METTL15: variants seen among roughly 807,000 people sequenced by gnomAD.
METTL15 encodes methyltransferase 15, mitochondrial 12S rRNA N4-cytidine.
In METTL15, 34 loss-of-function variants were observed where a neutral mutation model predicts 38.3. The ratio of observed to expected loss-of-function variants is 0.89; its 90% CI spans 0.68 to 1.18. The LOEUF is 1.18. Among genes scored for constraint, METTL15 ranks in the 50% most tolerant of loss-of-function variants. The probability of loss-of-function intolerance (pLI) is 0.00; values close to 1 mark genes in which losing one functional copy is unlikely to be tolerated. For missense variants in METTL15, 438 were observed against 498.4 expected, an observed-to-expected ratio of 0.88 and a Z score of 1.15; for synonymous variants, 162 against 170.9, an observed-to-expected ratio of 0.95 and a Z score of 0.41.
intron 3 of METTL15, among the ~76,000 whole-genome samples, chr11:28,175,857 C>T (rs954588048): frequency 6.6e-6 from 1 of 151,956 alleles, no homozygotes; most frequent in Non-Finnish European, 1.5e-5. Context: ...AAGACAAATT[C>T]GTGCCCTCAA....
chr11:28,419,144 T>C (rs1473544397), intron 5 of METTL15, among the ~76,000 whole-genome samples: 1 of 152,176 alleles, frequency 6.6e-6, no homozygotes, highest in East Asian at 1.9e-4. Context: ...TGAGTGAACA[T>C]AGGCAATAGC....
At chr11:28,119,430 C>G (rs927013520) in intron 3 of METTL15, among the ~76,000 whole-genome samples, 8 of 152,136 alleles carry the variant, frequency 5.3e-5, no homozygotes. Context: ...GCTTCTCTGG[C>G]TCAAGACTTT....
intron 6 of METTL15, among the ~76,000 whole-genome samples, chr11:28,511,619 G>A (rs1196557258): frequency 1.3e-5 from 2 of 152,186 alleles, no homozygotes; most frequent in Admixed American, 6.5e-5. Flanking sequence ...TTCGCGGTGA[G>A]TGTTACAGCT....
intron 5 of METTL15, among the ~76,000 whole-genome samples, chr11:28,420,592 T>C (rs1850810822): frequency 6.6e-6 from 1 of 152,124 alleles, no homozygotes; most frequent in South Asian, 2.1e-4. Context: ...AATACATGGA[T>C]ATTAAATGAT....
chr11:28,323,707 A>G (rs1049231243), intron 6 of METTL15, among the ~76,000 whole-genome samples: 4 of 152,190 alleles, frequency 2.6e-5, no homozygotes, highest in African/African-American at 4.8e-5. Context: ...ATAGTGGTAG[A>G]GCTGGTAAGA....
Position 28,330,266 on chromosome 11 carries a change from G to A in METTL15, c.779-130G>A, listed in dbSNP as rs1849771831. On this transcript the variant is annotated intron_variant, in intron 6 of 6. Coordinates refer to ENST00000407364, the MANE Select transcript of METTL15 (RefSeq NM_001113528.2). ...AATAAGAGGGGGAAGTATGAATGAA[G>A]TGCCACCACAATTTTCTAAGAAAAC... The A allele has an allele frequency of 1.1e-5, 9 of 798,260 alleles. No homozygotes were observed. The East Asian group carries it at 2.5e-4, about 22-fold the overall frequency. The allele number at this position is 798,260 out of a possible 1,614,324, so 49.4% of individuals were successfully genotyped here.
intron 3 of METTL15, among the ~76,000 whole-genome samples, chr11:28,202,418 C>T (rs1385737954): frequency 2.0e-5 from 3 of 152,024 alleles, no homozygotes; most frequent in Admixed American, 6.6e-5. Context: ...TTATGGAATG[C>T]TATGTATATC....
At chr11:28,486,947 A>G (rs115552918) in intron 6 of METTL15, among the ~76,000 whole-genome samples, 2,036 of 152,268 alleles carry the variant, frequency 0.013, 55 homozygotes, top group African/African-American at 0.046. Flanking sequence ...ATGAAAACTA[A>G]GAATAGATCT....
chr11:28,365,999 G>A (rs539346504), intron 5 of METTL15, among the ~76,000 whole-genome samples: 1 of 152,120 alleles, frequency 6.6e-6, no homozygotes, highest in South Asian at 2.1e-4. Context: ...GCAGTGAGCT[G>A]AGATCATGCC....
intron 6 of METTL15, among the ~76,000 whole-genome samples, chr11:28,489,917 ACTT>A (rs917574150): frequency 2.2e-4 from 34 of 152,096 alleles, no homozygotes; most frequent in African/African-American, 7.7e-4. Flanking sequence ...AGAAAAGTAA[ACTT>A]CTCTTTACTG....
chr11:28,325,544 C>T (rs1195792792), intron 6 of METTL15, among the ~76,000 whole-genome samples: 2 of 152,216 alleles, frequency 1.3e-5, no homozygotes, highest in Non-Finnish European at 2.9e-5. Context: ...TCCATTCATT[C>T]ATCCATTTTT....
At chr11:28,245,321 G>A (rs1472483774) in intron 4 of METTL15, among the ~76,000 whole-genome samples, 1 of 152,142 alleles carries the variant, frequency 6.6e-6, no homozygotes, top group Non-Finnish European at 1.5e-5. Flanking sequence ...GCAAATTCCT[G>A]TGGCCATAAA....
chr11:28,310,369 C>CACACAT (rs968494714), intron 6 of METTL15, among the ~76,000 whole-genome samples: 1 of 151,886 alleles, frequency 6.6e-6, no homozygotes, highest in Admixed American at 6.6e-5. Flanking sequence ...CACACACACA[C>CACACAT]ACACACACGC....
chr11:28,420,268 T>C (rs1850808391), intron 5 of METTL15, among the ~76,000 whole-genome samples: 1 of 152,112 alleles, frequency 6.6e-6, no homozygotes, highest in Non-Finnish European at 1.5e-5. Context: ...AATACAGTAA[T>C]AACTACACAA....
At chr11:28,378,760 A>ATTTTTTTTTTTTTTTTTTTTTTTT (rs1564912672) in intron 5 of METTL15, among the ~76,000 whole-genome samples, 1 of 72,856 alleles carries the variant, frequency 1.4e-5, no homozygotes, top group African/African-American at 3.6e-5. Flanking sequence ...CCTCCTCTTC[A>ATTTTTTTTTTTTTTTTTTTTTTTT]GTTTTTTTTT....
intron 3 of METTL15, among the ~76,000 whole-genome samples, chr11:28,165,111 TC>T (rs1337847519): frequency 1.1e-4 from 16 of 152,146 alleles, no homozygotes; most frequent in African/African-American, 3.9e-4. Flanking sequence ...TTAGGTTGAT[TC>T]CGTATCTTGG....
chr11:28,306,734 AAG>A (rs1223763399), intron 6 of METTL15, among the ~76,000 whole-genome samples: 2 of 152,054 alleles, frequency 1.3e-5, no homozygotes, highest in African/African-American at 2.4e-5. Flanking sequence ...AAGAATGTCA[AAG>A]AGAGAGAATT....
At chr11:28,302,693 C>T (rs1856954080) in intron 6 of METTL15, among the ~76,000 whole-genome samples, 1 of 152,084 alleles carries the variant, frequency 6.6e-6, no homozygotes, top group Non-Finnish European at 1.5e-5. Flanking sequence ...ATGTCTTTAT[C>T]AGCAGCATGA....
chr11:28,503,258 TG>T (rs1411246344), intron 6 of METTL15, among the ~76,000 whole-genome samples: 1 of 152,212 alleles, frequency 6.6e-6, no homozygotes, highest in Non-Finnish European at 1.5e-5. Flanking sequence ...CTGACCCTTG[TG>T]GGGTGTAAAA....
Sources: allele counts gnomAD v4.1 joint callset (sites outside exome capture counted in the v4.1 genomes callset), GRCh38; gene constraint gnomAD v4.1.1; transcripts MANE v1.5; gene names NCBI Gene and HGNC (gene_info 2026-07-23, HGNC 2026-07-21).